The following ASH1L variants were observed in gnomAD, a reference collection of about 807,000 sequenced individuals.
The protein encoded by ASH1L is ASH1 like histone lysine methyltransferase, also known as histone-lysine N-methyltransferase ASH1L.
ASH1L carries 23 observed loss-of-function variants against 269.0 expected under a neutral mutation model. The ratio of observed to expected loss-of-function variants is 0.09; its 90% CI spans 0.06 to 0.12. ASH1L has a LOEUF of 0.12. Among genes scored for constraint, ASH1L ranks in the 10% least tolerant of loss-of-function variants. The pLI, the probability that ASH1L is intolerant of heterozygous loss-of-function variation, is 1.00. For missense variants in ASH1L, 2,912 were observed against 3,567.8 expected (o/e 0.82, Z 4.68); for synonymous variants, 1,187 against 1,253.5 (o/e 0.95, Z 1.12).
At chr1:155,403,179 C>T (rs1195549422) in intron 6 of ASH1L, among the ~76,000 whole-genome samples, 1 of 151,464 alleles carries the variant, frequency 6.6e-6, no homozygotes, top group Non-Finnish European at 1.5e-5. Flanking sequence ...GAGCGAAACT[C>T]CATCTCAAAA....
chr1:155,422,891 C>T (rs1473579799), intron 5 of ASH1L, among the ~76,000 whole-genome samples: 2 of 151,144 alleles, frequency 1.3e-5, no homozygotes, highest in African/African-American at 2.4e-5. Flanking sequence ...TTCAAATGAT[C>T]GCCTGCCTCG....
At position 155,507,096 on chromosome 1, in the gene ASH1L, A is replaced by T. The variant is rs145426420; in HGVS notation, c.420+14004T>A. ...TCAGGAGTTCGAAATGAGCCTGACCAACATGGAGAAACCCTGTCTATTAAA... is the reference window on the plus strand; with the variant it reads ...TCAGGAGTTCGAAATGAGCCTGACCTACATGGAGAAACCCTGTCTATTAAA... On this transcript the variant is annotated intron_variant, in intron 2 of 27. Transcript: ENST00000392403. Among the ~76,000 whole-genome samples, 1,104 of 152,270 alleles carry T rather than the reference A, an allele frequency of 7.3e-3. 14 individuals are homozygous for T. The highest frequency in any genetic ancestry group is 0.025 in the African/African-American group (1,050 of 41,556).
intron 8 of ASH1L, among the ~76,000 whole-genome samples, chr1:155,379,599 T>A (rs774196061): frequency 2.0e-5 from 3 of 152,092 alleles, no homozygotes; most frequent in African/African-American, 4.8e-5. Context: ...AGTGCAAGAG[T>A]GTTAAACATT....
chr1:155,500,868 T>G (rs1273351981), intron 2 of ASH1L, among the ~76,000 whole-genome samples: 2 of 152,112 alleles, frequency 1.3e-5, no homozygotes, highest in Non-Finnish European at 2.9e-5. Flanking sequence ...CTCAGGAGAC[T>G]GAGGCATGAG....
At chr1:155,444,344 T>C (rs977166057) in intron 4 of ASH1L, among the ~76,000 whole-genome samples, 2 of 152,176 alleles carry the variant, frequency 1.3e-5, no homozygotes, top group African/African-American at 4.8e-5. Context: ...TGTTCTATTT[T>C]ATAGTCCCAT....
In ASH1L at chr1:155,521,182, T is replaced by C; in HGVS notation, c.338A>G (p.Lys113Arg). The C allele has an allele frequency of 6.2e-7, 1 of 1,614,052 alleles. No homozygotes were observed. Among genetic ancestry groups the C allele is most frequent in the Non-Finnish European group, 8.5e-7 (1 of 1,180,022 alleles). ...LENYVCRPAI[K>R]TTIKHPRKAL... ...TTTCCTTGGGTGCTTAATAGTTGTTTTTATGGCAGGTCGACATACATAGTT... is the reference window on the plus strand; with the variant it reads ...TTTCCTTGGGTGCTTAATAGTTGTTCTTATGGCAGGTCGACATACATAGTT... The change falls in exon 2 of 28, where the codon AAA becomes AGA. Residue 113 changes from lysine (K) to arginine (R), a missense_variant. This residue lies in a region of ASH1L where 277 missense variants were observed against 367.7 expected (regional missense o/e 0.75). Transcript: ENST00000392403.
chr1:155,446,552 G>C (rs1001766136), intron 4 of ASH1L, among the ~76,000 whole-genome samples: 1 of 150,234 alleles, frequency 6.7e-6, no homozygotes, highest in Admixed American at 6.6e-5. Context: ...ACACACTTCT[G>C]TCTCCCAAAG....
intron 12 of ASH1L, among the ~76,000 whole-genome samples, chr1:155,365,079 T>C (rs1655289236): frequency 6.6e-6 from 1 of 152,202 alleles, no homozygotes; most frequent in Non-Finnish European, 1.5e-5. Context: ...GAACCCTCCC[T>C]TGGAGTCTGG....
At chr1:155,402,880 T>C (rs901261011) in intron 6 of ASH1L, among the ~76,000 whole-genome samples, 11 of 150,190 alleles carry the variant, frequency 7.3e-5, no homozygotes, top group Non-Finnish European at 1.2e-4. Flanking sequence ...TTTTTTTTTT[T>C]TCAGCATAAA....
chr1:155,403,568 T>C (rs1659030676), intron 6 of ASH1L, among the ~76,000 whole-genome samples: 1 of 152,136 alleles, frequency 6.6e-6, no homozygotes, highest in Admixed American at 6.6e-5. Context: ...AGATAACATA[T>C]ATAAACTCAT....
intron 1 of ASH1L, among the ~76,000 whole-genome samples, chr1:155,526,707 C>T (rs1380319355): frequency 6.6e-6 from 1 of 152,178 alleles, no homozygotes; most frequent in African/African-American, 2.4e-5. Flanking sequence ...CAAGTGCCCA[C>T]CATATATCTA....
intron 2 of ASH1L, among the ~76,000 whole-genome samples, chr1:155,486,741 AGTTT>A (rs1297345313): frequency 6.6e-6 from 1 of 152,196 alleles, no homozygotes; most frequent in Non-Finnish European, 1.5e-5. Context: ...AATATTAAGC[AGTTT>A]GTTTTAAATA....
At chr1:155,420,462 G>T (rs531533603) in intron 5 of ASH1L, among the ~76,000 whole-genome samples, 14 of 150,012 alleles carry the variant, frequency 9.3e-5, no homozygotes, top group Non-Finnish European at 1.9e-4. Flanking sequence ...CTTTATAAAT[G>T]TATAAATATA....
chr1:155,552,587 A>G (rs1479532724), intron 1 of ASH1L, among the ~76,000 whole-genome samples: 1 of 152,190 alleles, frequency 6.6e-6, no homozygotes, highest in Non-Finnish European at 1.5e-5. Context: ...CAGAGCTTGC[A>G]GTGAGCCGAG....
At chr1:155,535,995 T>G (rs1206207339) in intron 1 of ASH1L, among the ~76,000 whole-genome samples, 1 of 147,316 alleles carries the variant, frequency 6.8e-6, no homozygotes, top group East Asian at 2.0e-4. Flanking sequence ...CAAAACTCCA[T>G]CTCAAGAAAA....
intron 7 of ASH1L, among the ~76,000 whole-genome samples, chr1:155,382,505 C>T (rs1421950132): frequency 6.6e-6 from 1 of 152,042 alleles, no homozygotes; most frequent in Non-Finnish European, 1.5e-5. Flanking sequence ...CTCAAACAAA[C>T]AAACAAACGA....
intron 3 of ASH1L, among the ~76,000 whole-genome samples, chr1:155,474,984 T>G (rs770166823): frequency 6.6e-6 from 1 of 152,214 alleles, no homozygotes; most frequent in Non-Finnish European, 1.5e-5. Flanking sequence ...GTTCTTAATA[T>G]AAAATCCAAA....
intron 7 of ASH1L, among the ~76,000 whole-genome samples, chr1:155,392,359 G>A (rs765365349): frequency 2.0e-5 from 3 of 152,108 alleles, no homozygotes; most frequent in African/African-American, 4.8e-5. Context: ...CTATACAAGC[G>A]GGAAATGCAA....
At chr1:155,443,538 T>C (rs549877148) in intron 4 of ASH1L, among the ~76,000 whole-genome samples, 1 of 152,352 alleles carries the variant, frequency 6.6e-6, no homozygotes, top group East Asian at 1.9e-4. Flanking sequence ...ATAACCAATA[T>C]ATAGAACATT....
Sources: allele counts gnomAD v4.1 joint callset (sites outside exome capture counted in the v4.1 genomes callset), GRCh38; gene constraint gnomAD v4.1.1; regional missense constraint gnomAD v4.1.1; transcripts MANE v1.5; gene names NCBI Gene and HGNC (gene_info 2026-07-23, HGNC 2026-07-21).